The following FLVCR2 variants were observed in gnomAD, a reference collection of about 807,000 sequenced individuals.
The protein encoded by FLVCR2 is choline/ethanolamine transporter FLVCR2.
FLVCR2 carries 38 observed loss-of-function variants against 48.9 expected under a neutral mutation model. The ratio of observed to expected loss-of-function variants is 0.78; its 90% CI spans 0.60 to 1.02. The LOEUF (loss-of-function observed/expected upper bound fraction) is 1.02, where lower values mean the gene tolerates loss of function less well. Ranked by LOEUF, FLVCR2 falls within the 50% of genes least tolerant of loss-of-function variation. The pLI, the probability that FLVCR2 is intolerant of heterozygous loss-of-function variation, is 0.00. For missense variants in FLVCR2, 664 were observed against 663.3 expected (o/e 1.00, Z -0.01); for synonymous variants, 255 against 257.0 (o/e 0.99, Z 0.07).
Position 75,620,691 on chromosome 14 carries a change from T to G in FLVCR2, c.670-1388T>G, listed in dbSNP as rs182537009. Among the ~76,000 whole-genome samples, 70 of 152,348 alleles carry G rather than the reference T, an allele frequency of 4.6e-4. 1 individual carries two copies. Among genetic ancestry groups the G allele is most frequent in the African/African-American group, 1.6e-3 (66 of 41,574 alleles). On this transcript the variant is annotated intron_variant, in intron 1 of 9. Coordinates refer to ENST00000238667, the MANE Select transcript of FLVCR2 (RefSeq NM_017791.3). ...GAGTACGTTTTAAAGATGCATTTGG[T>G]TAATTGATTACATACTGGTATAAAG...
In FLVCR2 at chr14:75,599,945, G is replaced by C. The variant is rs529573934; in HGVS notation, c.669+20304G>C. Among the ~76,000 whole-genome samples the C allele has an allele frequency of 1.1e-4, 16 of 152,024 alleles. No homozygotes were observed. In the South Asian group the frequency reaches 3.2e-3, roughly 30 times the overall value. On this transcript the variant is annotated intron_variant, in intron 1 of 9. Coordinates refer to ENST00000238667, the MANE Select transcript of FLVCR2 (RefSeq NM_017791.3). ...TGTGTTGTCAGAGGCGTTTGAACAA[G>C]AGCGACTCCATCTTGAATAGGGGCT...
intron 1 of FLVCR2, among the ~76,000 whole-genome samples, chr14:75,593,269 T>A (rs1250629506): frequency 6.6e-6 from 1 of 152,234 alleles, no homozygotes; most frequent in Non-Finnish European, 1.5e-5. Flanking sequence ...ATTGTCTGTC[T>A]TAGATCATTT....
intron 3 of FLVCR2, among the ~76,000 whole-genome samples, chr14:75,630,338 G>A (rs1890009682): frequency 6.6e-6 from 1 of 151,966 alleles, no homozygotes. Context: ...TGGGAGCCTG[G>A]GTCTGGTCCC....
chr14:75,640,192 G>C (rs1890274783), intron 6 of FLVCR2, among the ~76,000 whole-genome samples: 1 of 144,716 alleles, frequency 6.9e-6, no homozygotes, highest in Non-Finnish European at 1.5e-5. Context: ...CTGGGAGGCG[G>C]AAGTTGCAGT....
At chr14:75,634,392 C>T (rs575946204) in intron 4 of FLVCR2, among the ~76,000 whole-genome samples, 2 of 152,196 alleles carry the variant, frequency 1.3e-5, no homozygotes, top group East Asian at 3.9e-4. Context: ...AAGACTGACT[C>T]CTAACCTTAT....
chr14:75,623,385 C>T (rs1202926625), intron 2 of FLVCR2, among the ~76,000 whole-genome samples: 2 of 152,048 alleles, frequency 1.3e-5, no homozygotes, highest in Admixed American at 1.3e-4. Flanking sequence ...ATTATATGGG[C>T]TATGATAAAC....
At chr14:75,605,503 C>T in intron 1 of FLVCR2, 1 of 1,527,346 alleles carries the variant, frequency 6.5e-7, no homozygotes, top group East Asian at 2.5e-5. Flanking sequence ...TTTCCTTTTT[C>T]ATGCTGTGCA....
At chr14:75,581,280 G>A (rs1204062244) in intron 1 of FLVCR2, among the ~76,000 whole-genome samples, 1 of 152,214 alleles carries the variant, frequency 6.6e-6, no homozygotes, top group Non-Finnish European at 1.5e-5. Flanking sequence ...GAGGACCTAG[G>A]ACATCTAATT....
intron 1 of FLVCR2, among the ~76,000 whole-genome samples, chr14:75,585,324 A>T (rs904198178): frequency 5.3e-5 from 8 of 152,176 alleles, no homozygotes; most frequent in African/African-American, 1.7e-4. Context: ...ATCTTGTAGG[A>T]TGGACAGATC....
intron 1 of FLVCR2, among the ~76,000 whole-genome samples, chr14:75,588,777 C>T (rs553254942): frequency 1.3e-5 from 2 of 152,272 alleles, no homozygotes; most frequent in South Asian, 4.1e-4. Context: ...CTGCACCTGG[C>T]CCCCCAACAC....
At chr14:75,599,355 C>A (rs1889106527) in intron 1 of FLVCR2, among the ~76,000 whole-genome samples, 1 of 149,102 alleles carries the variant, frequency 6.7e-6, no homozygotes. Flanking sequence ...AGAAACAATT[C>A]CATTTATAAT....
chr14:75,605,461 C>T, intron 1 of FLVCR2: 1 of 1,501,078 alleles, frequency 6.7e-7, no homozygotes, highest in South Asian at 1.3e-5. Context: ...CCCAGCCAGA[C>T]ACTTCTGCTT....
rs113192863 is a variant in FLVCR2, at chr14:75,619,905, C to A, written c.670-2174C>A. 2.3e-3 allele frequency among the ~76,000 whole-genome samples: 346 copies of A among 152,324 alleles called. 2 individuals carry two copies. The highest frequency in any genetic ancestry group is 7.9e-3 in the African/African-American group (330 of 41,566). On this transcript the variant is annotated intron_variant, in intron 1 of 9. Transcript: ENST00000238667. ...AGGAGGAGGGCATACAGTGTAGCAC[C>A]AGCTGGGAGGATTTCTTTAATGGGG...
chr14:75,584,473 C>G (rs1165719951), intron 1 of FLVCR2, among the ~76,000 whole-genome samples: 1 of 152,224 alleles, frequency 6.6e-6, no homozygotes, highest in Non-Finnish European at 1.5e-5. Flanking sequence ...AGGGTTGCTG[C>G]CAAGCGGGCC....
At chr14:75,638,365 A>T (rs968524839) in intron 5 of FLVCR2, among the ~76,000 whole-genome samples, 1 of 152,042 alleles carries the variant, frequency 6.6e-6, no homozygotes, top group African/African-American at 2.4e-5. Flanking sequence ...TGAACCCGGG[A>T]GGCAGAGGTT....
chr14:75,638,467 G>T (rs926413621), intron 5 of FLVCR2, among the ~76,000 whole-genome samples: 1 of 152,108 alleles, frequency 6.6e-6, no homozygotes, highest in African/African-American at 2.4e-5. Context: ...AAAAAGAAAA[G>T]AAAAAGCTTT....
intron 1 of FLVCR2, among the ~76,000 whole-genome samples, chr14:75,595,558 G>GT (rs773497395): frequency 1.3e-5 from 2 of 152,198 alleles, no homozygotes; most frequent in Non-Finnish European, 2.9e-5. Flanking sequence ...GCAGTCCAGG[G>GT]TTGTCATTTT....
chr14:75,631,178 G>A (rs1002421108), intron 3 of FLVCR2, among the ~76,000 whole-genome samples: 5 of 152,192 alleles, frequency 3.3e-5, no homozygotes, highest in African/African-American at 4.8e-5. Context: ...ATGAACCCCT[G>A]CTCTTCCTTC....
chr14:75,609,392 A>G (rs750276453), intron 1 of FLVCR2, among the ~76,000 whole-genome samples: 6 of 152,214 alleles, frequency 3.9e-5, no homozygotes, highest in Non-Finnish European at 8.8e-5. Flanking sequence ...CCTAAATAAC[A>G]GGGCCAGATC....
Sources: allele counts gnomAD v4.1 joint callset (sites outside exome capture counted in the v4.1 genomes callset), GRCh38; gene constraint gnomAD v4.1.1; transcripts MANE v1.5; gene names NCBI Gene and HGNC (gene_info 2026-07-23, HGNC 2026-07-21).